Variants in OR4D11 observed in about 807,000 individuals in gnomAD.
The protein encoded by OR4D11 is olfactory receptor family 4 subfamily D member 11.
OR4D11 carries 11 observed loss-of-function variants against 11.7 expected under a neutral mutation model. The observed-to-expected ratio is 0.94, with a 90% CI of 0.59 to 1.56. The LOEUF (loss-of-function observed/expected upper bound fraction) is 1.56. Ranked by LOEUF, OR4D11 falls within the 40% of genes most tolerant of loss-of-function variation. The probability of loss-of-function intolerance (pLI) is 0.00; values close to 1 mark genes in which losing one functional copy is unlikely to be tolerated. For missense variants in OR4D11, 384 were observed against 373.9 expected, an observed-to-expected ratio of 1.03 and a Z score of -0.22; for synonymous variants, 165 against 150.0, an observed-to-expected ratio of 1.10 and a Z score of -0.73.
At position 59,504,236 on chromosome 11, in the gene OR4D11, A is replaced by G. The variant is rs556205672; in HGVS notation, c.661A>G (p.Ile221Val). The stretch of plus-strand genomic sequence containing the variant: ...CTTCCTGCTTGTGTCCTACACAGTC[A>G]TCCTAATGACGCTGAGGTCTCAGGC... ...FIFLLVSYTV[I>V]LMTLRSQAGG... Residue 221 changes from isoleucine to valine, a missense_variant, in exon 1 of 1, where the codon ATC (isoleucine) becomes GTC (valine). By Grantham distance (29) the Ile-to-Val change is conservative (BLOSUM62 3). Coordinates refer to ENST00000313253, the MANE Select transcript of OR4D11 (RefSeq NM_001004706.1). The G allele has an allele frequency of 1.2e-6, 2 of 1,614,188 alleles. No homozygotes were observed. Among genetic ancestry groups the G allele is most frequent in the East Asian group, 2.2e-5 (1 of 44,876 alleles).
In OR4D11 at chr11:59,503,949, C is replaced by T. The variant is rs768492992; in HGVS notation, c.374C>T (p.Ala125Val). The change falls in exon 1 of 1, where the codon GCC (alanine) becomes GTC (valine). Residue 125 changes from alanine to valine, a missense_variant. Transcript: ENST00000313253. ...GTGATGGCGTTTGACTGCTACATGG[C>T]CATCTCCAAGCCCCTGCACTATGTG... is the stretch of plus-strand genomic sequence containing the variant. Reference protein sequence around the residue: ...LSVMAFDCYMAISKPLHYVTI... With the variant: ...LSVMAFDCYMVISKPLHYVTI... 6.2e-7 allele frequency: 1 copy of T among 1,613,954 alleles called. No individual in the cohort carries two copies. Among genetic ancestry groups the T allele is most frequent in the Non-Finnish European group, 8.5e-7 (1 of 1,179,862 alleles).
Position 59,504,324 on chromosome 11 carries a change from A to G in OR4D11, c.749A>G (p.His250Arg), listed in dbSNP as rs1859236953. The G allele has an allele frequency of 1.2e-6, 2 of 1,613,912 alleles. No homozygotes were observed. Among genetic ancestry groups the G allele is most frequent in the African/African-American group, 2.7e-5 (2 of 74,876 alleles). ...TCCCACATCACTGTGGTGACCCTGC[A>G]TTTTGTGCCCTGCATCTATGTCTAT... Reference protein sequence around the residue: ...CTSHITVVTLHFVPCIYVYAR... With the variant: ...CTSHITVVTLRFVPCIYVYAR... The change falls in exon 1 of 1, where the codon CAT becomes CGT. Residue 250 changes from histidine to arginine, a missense_variant. By Grantham distance (29) the His-to-Arg change is conservative. Transcript: ENST00000313253.
In OR4D11 at chr11:59,503,915, T is replaced by A; in HGVS notation, c.340T>A (p.Ser114Thr). The change falls in exon 1 of 1, where the codon TCT (serine) becomes ACT (threonine). Residue 114 changes from serine to threonine, a missense_variant. By Grantham distance (58) the Ser-to-Thr change is moderately conservative (BLOSUM62 1). Coordinates refer to ENST00000313253, the MANE Select transcript of OR4D11 (RefSeq NM_001004706.1). ...FHLLGGADIF[S>T]LSVMAFDCYM... is the part of the protein sequence containing the mutation. ...CCTCCTTGGTGGGGCAGACATTTTT[T>A]CTCTCTCTGTGATGGCGTTTGACTG... 6.2e-7 allele frequency: 1 copy of A among 1,613,892 alleles called. No individual in the cohort carries two copies. The highest frequency in any genetic ancestry group is 8.5e-7 in the Non-Finnish European group (1 of 1,179,816).
chr11:59,503,776 C>T lies in OR4D11; in HGVS notation c.201C>T (p.Ala67=). ...TGTACTTCCTGCTCCGCAATCTAGCCATCCTTGACATCTGCTTCTCCTCCA... is the reference window on the plus strand; with the variant it reads ...TGTACTTCCTGCTCCGCAATCTAGCTATCCTTGACATCTGCTTCTCCTCCA... The part of the protein sequence containing the change: ...TPMYFLLRNL[A]ILDICFSSTT... The change falls in exon 1 of 1, where the codon GCC becomes GCT. Residue 67 remains alanine, a synonymous_variant. Coordinates refer to ENST00000313253, the MANE Select transcript of OR4D11 (RefSeq NM_001004706.1). 6.2e-7 allele frequency: 1 copy of T among 1,613,324 alleles called. No individual in the cohort carries two copies. The highest frequency in any genetic ancestry group is 8.5e-7 in the Non-Finnish European group (1 of 1,179,314).
At position 59,503,931 on chromosome 11, in the gene OR4D11, C is replaced by A. The variant is rs549883892; in HGVS notation, c.356C>A (p.Ala119Glu). 8.9e-5 allele frequency: 144 copies of A among 1,613,782 alleles called. 1 individual carries two copies. In the South Asian group the frequency reaches 1.3e-3, roughly 15 times the overall value. Residue 119 changes from alanine to glutamate, a missense_variant, in exon 1 of 1, where the codon GCG (alanine) becomes GAG (glutamate). Ala to Glu is a moderately radical substitution (Grantham distance 107, BLOSUM62 -1). Transcript: ENST00000313253. The part of the protein sequence containing the change: ...GADIFSLSVM[A>E]FDCYMAISKP... ...GACATTTTTTCTCTCTCTGTGATGGCGTTTGACTGCTACATGGCCATCTCC... is the reference window on the plus strand; with the variant it reads ...GACATTTTTTCTCTCTCTGTGATGGAGTTTGACTGCTACATGGCCATCTCC...
At position 59,503,747 on chromosome 11, in the gene OR4D11, C is replaced by T. The variant is rs267603040; in HGVS notation, c.172C>T (p.Pro58Ser). Residue 58 changes from proline (P) to serine (S), a missense_variant, in exon 1 of 1, where the codon CCC becomes TCC. Coordinates refer to ENST00000313253, the MANE Select transcript of OR4D11 (RefSeq NM_001004706.1). ...GACCTGTGAGTCTCGCCTTCACACCCCCATGTACTTCCTGCTCCGCAATCT... is the reference window on the plus strand; with the variant it reads ...GACCTGTGAGTCTCGCCTTCACACCTCCATGTACTTCCTGCTCCGCAATCT... ...TVTCESRLHT[P>S]MYFLLRNLAI... 51 of 1,613,860 alleles carry T rather than the reference C, an allele frequency of 3.2e-5. No homozygotes were observed. The highest frequency in any genetic ancestry group is 4.2e-5 in the Non-Finnish European group (50 of 1,179,872).
At position 59,504,113 on chromosome 11, in the gene OR4D11, G is replaced by A. The variant is rs764386306; in HGVS notation, c.538G>A (p.Asp180Asn). Reference protein sequence around the residue: ...GPNVLDTFYCDVPQVLKLTCT... With the variant: ...GPNVLDTFYCNVPQVLKLTCT... The stretch of plus-strand genomic sequence containing the variant: ...CAATGTTCTTGACACTTTCTACTGC[G>A]ATGTCCCCCAGGTCCTCAAACTCAC... The change falls in exon 1 of 1, where the codon GAT becomes AAT. Residue 180 changes from aspartate to asparagine, a missense_variant. Coordinates refer to ENST00000313253, the MANE Select transcript of OR4D11 (RefSeq NM_001004706.1). 31 of 1,614,122 alleles carry A rather than the reference G, an allele frequency of 1.9e-5. No individual in the cohort carries two copies. The highest frequency in any genetic ancestry group is 3.3e-5 in the South Asian group (3 of 91,076).
At position 59,503,827 on chromosome 11, in the gene OR4D11, C is replaced by G; in HGVS notation, c.252C>G (p.Asp84Glu). 6.2e-7 allele frequency: 1 copy of G among 1,613,714 alleles called. No individual in the cohort carries two copies. The highest frequency in any genetic ancestry group is 2.2e-5 in the East Asian group (1 of 44,886). The change falls in exon 1 of 1, where the codon GAC (aspartate) becomes GAG (glutamate). Residue 84 changes from aspartate (D) to glutamate (E), a missense_variant. Coordinates refer to ENST00000313253, the MANE Select transcript of OR4D11 (RefSeq NM_001004706.1). ...SSTTAPKVLL[D>E]LLSKKKTISY... is the part of the protein sequence containing the mutation. ...CAACTGCTCCTAAAGTCTTGCTGGA[C>G]CTTCTGTCAAAGAAAAAGACCATAT...
chr11:59,504,488 C>CTCG lies in OR4D11; in HGVS notation c.915_917dup (p.Val306dup). ...AGCCATGAGAAGACTGAAGAGAAGA[C>CTCG]TCGTGCCTTCTGAAAGGGAATAGAA... On this transcript the variant is annotated inframe_insertion, in exon 1 of 1. Coordinates refer to ENST00000313253, the MANE Select transcript of OR4D11 (RefSeq NM_001004706.1). 2.5e-6 allele frequency: 4 copies of CTCG among 1,613,164 alleles called. No individual in the cohort carries two copies. The highest frequency in any genetic ancestry group is 3.4e-6 in the Non-Finnish European group (4 of 1,179,418).
In OR4D11 at chr11:59,504,057, C is replaced by G; in HGVS notation, c.482C>G (p.Ser161Cys). 1 of 1,614,146 alleles carries G rather than the reference C, an allele frequency of 6.2e-7. No homozygotes were observed. The highest frequency in any genetic ancestry group is 1.1e-5 in the South Asian group (1 of 91,072). ...GGFVHSIVQI[S>C]LLLPLPFCGP... is the part of the protein sequence containing the mutation. Reference sequence around the variant, plus strand: ...TTTGTCCACTCCATCGTGCAGATCTCCCTGTTGCTGCCTCTCCCTTTCTGT... The same window carrying G: ...TTTGTCCACTCCATCGTGCAGATCTGCCTGTTGCTGCCTCTCCCTTTCTGT... The change falls in exon 1 of 1, where the codon TCC (serine) becomes TGC (cysteine). Residue 161 changes from serine to cysteine, a missense_variant. Transcript: ENST00000313253.
In OR4D11 at chr11:59,503,867, A is replaced by G; in HGVS notation, c.292A>G (p.Met98Val). 1.2e-6 allele frequency: 2 copies of G among 1,614,126 alleles called. No homozygotes were observed. Among genetic ancestry groups the G allele is most frequent in the South Asian group, 1.1e-5 (1 of 91,082 alleles). ...AAAGACCATATCCTATACAAGCTGC[A>G]TGACACAGATATTTCTCTTCCACCT... ...KKKTISYTSC[M>V]TQIFLFHLLG... Residue 98 changes from methionine (M) to valine (V), a missense_variant, in exon 1 of 1, where the codon ATG (methionine) becomes GTG (valine). Met to Val is a conservative substitution (Grantham distance 21). Coordinates refer to ENST00000313253, the MANE Select transcript of OR4D11 (RefSeq NM_001004706.1).
At position 59,504,464 on chromosome 11, in the gene OR4D11, G is replaced by T; in HGVS notation, c.889G>T (p.Ala297Ser). 6.2e-7 allele frequency: 1 copy of T among 1,614,152 alleles called. No homozygotes were observed. The highest frequency in any genetic ancestry group is 8.5e-7 in the Non-Finnish European group (1 of 1,180,026). The change falls in exon 1 of 1, where the codon GCC becomes TCC. Residue 297 changes from alanine to serine, a missense_variant. Physicochemically the swap from Ala to Ser is moderately conservative, Grantham distance 99. Coordinates refer to ENST00000313253, the MANE Select transcript of OR4D11 (RefSeq NM_001004706.1). ...YTLRNQEMKS[A>S]MRRLKRRLVP... ...TCTGAGGAACCAGGAAATGAAGTCAGCCATGAGAAGACTGAAGAGAAGACT... is the reference window on the plus strand; with the variant it reads ...TCTGAGGAACCAGGAAATGAAGTCATCCATGAGAAGACTGAAGAGAAGACT...
In OR4D11 at chr11:59,504,065, C is replaced by T; in HGVS notation, c.490C>T (p.Leu164=). 1 of 1,613,974 alleles carries T rather than the reference C, an allele frequency of 6.2e-7. No individual in the cohort carries two copies. Among genetic ancestry groups the T allele is most frequent in the Non-Finnish European group, 8.5e-7 (1 of 1,179,964 alleles). The change falls in exon 1 of 1, where the codon CTG becomes TTG. Residue 164 remains leucine, a synonymous_variant. Transcript: ENST00000313253. ...VHSIVQISLL[L]PLPFCGPNVL... ...CTCCATCGTGCAGATCTCCCTGTTG[C>T]TGCCTCTCCCTTTCTGTGGACCCAA...
Position 59,503,735 on chromosome 11 carries a change from C to A in OR4D11, c.160C>A (p.Arg54Ser), listed in dbSNP as rs767134245. The change falls in exon 1 of 1, where the codon CGC becomes AGC. Residue 54 changes from arginine to serine, a missense_variant. Physicochemically the swap from Arg to Ser is moderately radical, Grantham distance 110. Transcript: ENST00000313253. ...LIMVTVTCES[R>S]LHTPMYFLLR... is the part of the protein sequence containing the mutation. ...CATGGTCACCGTGACCTGTGAGTCTCGCCTTCACACCCCCATGTACTTCCT... is the reference window on the plus strand; with the variant it reads ...CATGGTCACCGTGACCTGTGAGTCTAGCCTTCACACCCCCATGTACTTCCT... 1 of 1,613,620 alleles carries A rather than the reference C, an allele frequency of 6.2e-7. No homozygotes were observed. Among genetic ancestry groups the A allele is most frequent in the Non-Finnish European group, 8.5e-7 (1 of 1,179,674 alleles).
chr11:59,504,007 C>T lies in OR4D11; in HGVS notation c.432C>T (p.Leu144=). 6.2e-7 allele frequency: 1 copy of T among 1,614,132 alleles called. No homozygotes were observed. ...TGAGTAGAGGGCAATGCACTGCCCT[C>T]ATCTCTGCCTCTTGGATGGGGGGCT... ...TIMSRGQCTA[L]ISASWMGGFV... Residue 144 remains leucine (L), a synonymous_variant, in exon 1 of 1, where the codon CTC becomes CTT. Transcript: ENST00000313253.
Position 59,503,859 on chromosome 11 carries a change from C to A in OR4D11, c.284C>A (p.Thr95Lys), listed in dbSNP as rs1207242992. 6.2e-7 allele frequency: 1 copy of A among 1,614,066 alleles called. No homozygotes were observed. Among genetic ancestry groups the A allele is most frequent in the Admixed American group, 1.7e-5 (1 of 60,020 alleles). ...TCAAAGAAAAAGACCATATCCTATA[C>A]AAGCTGCATGACACAGATATTTCTC... ...LLSKKKTISYTSCMTQIFLFH... is the reference protein window; with the variant it reads ...LLSKKKTISYKSCMTQIFLFH... Residue 95 changes from threonine (T) to lysine (K), a missense_variant, in exon 1 of 1, where the codon ACA (threonine) becomes AAA (lysine). Thr to Lys is a moderately conservative substitution (Grantham distance 78). Coordinates refer to ENST00000313253, the MANE Select transcript of OR4D11 (RefSeq NM_001004706.1).
Position 59,503,708 on chromosome 11 carries a change from A to G in OR4D11, c.133A>G (p.Ile45Val), listed in dbSNP as rs1316157924. 1.2e-6 allele frequency: 2 copies of G among 1,613,002 alleles called. No homozygotes were observed. The highest frequency in any genetic ancestry group is 1.7e-6 in the Non-Finnish European group (2 of 1,179,112). Residue 45 changes from isoleucine to valine, a missense_variant, in exon 1 of 1, where the codon ATC (isoleucine) becomes GTC (valine). Coordinates refer to ENST00000313253, the MANE Select transcript of OR4D11 (RefSeq NM_001004706.1). ...GACGACTCTGCTGGGAAACCTCCTC[A>G]TCATGGTCACCGTGACCTGTGAGTC... ...YMTTLLGNLL[I>V]MVTVTCESRL...
rs749429940 is a variant in OR4D11 at position 59,503,893 on chromosome 11, C to T, written c.318C>T (p.Leu106=). 3 of 1,613,344 alleles carry T rather than the reference C, an allele frequency of 1.9e-6. No individual in the cohort carries two copies. Among genetic ancestry groups the T allele is most frequent in the Non-Finnish European group, 2.5e-6 (3 of 1,179,256 alleles). The part of the protein sequence containing the change: ...SCMTQIFLFH[L]LGGADIFSLS... ...TGACACAGATATTTCTCTTCCACCTCCTTGGTGGGGCAGACATTTTTTCTC... is the reference window on the plus strand; with the variant it reads ...TGACACAGATATTTCTCTTCCACCTTCTTGGTGGGGCAGACATTTTTTCTC... Residue 106 remains leucine (L), a synonymous_variant, in exon 1 of 1, where the codon CTC becomes CTT. Transcript: ENST00000313253.
In OR4D11 at chr11:59,504,465, C is replaced by T; in HGVS notation, c.890C>T (p.Ala297Val). 6.2e-7 allele frequency: 1 copy of T among 1,614,074 alleles called. No individual in the cohort carries two copies. The highest frequency in any genetic ancestry group is 8.5e-7 in the Non-Finnish European group (1 of 1,180,014). Residue 297 changes from alanine (A) to valine (V), a missense_variant, in exon 1 of 1, where the codon GCC (alanine) becomes GTC (valine). Ala to Val is a moderately conservative substitution (Grantham distance 64). Transcript: ENST00000313253. ...YTLRNQEMKS[A>V]MRRLKRRLVP... Reference sequence around the variant, plus strand: ...CTGAGGAACCAGGAAATGAAGTCAGCCATGAGAAGACTGAAGAGAAGACTC... The same window carrying T: ...CTGAGGAACCAGGAAATGAAGTCAGTCATGAGAAGACTGAAGAGAAGACTC...
Sources: gnomAD v4.1 joint callset for allele counts on GRCh38, gnomAD v4.1.1 for gene constraint, MANE v1.5 for transcripts, NCBI Gene and HGNC (gene_info 2026-07-23, HGNC 2026-07-21) for gene names.